Variants in PTPRG observed in about 807,000 individuals in gnomAD.
PTPRG encodes the protein receptor-type tyrosine-protein phosphatase gamma.
A neutral mutation model predicts 165.3 loss-of-function variants in PTPRG; 102 were observed. The observed-to-expected ratio is 0.62, with a 90% CI of 0.53 to 0.73. The LOEUF is 0.73. PTPRG is among the 30% of genes least tolerant of loss of function. The probability of loss-of-function intolerance (pLI) is 0.00; values close to 1 mark genes in which losing one functional copy is unlikely to be tolerated. For missense variants in PTPRG, 1,866 were observed against 1,861.4 expected (o/e 1.00, Z -0.05); for synonymous variants, 675 against 669.5 (o/e 1.01, Z -0.13).
At chr3:62,266,593 A>G (rs1341377308) in intron 17 of PTPRG, among the ~76,000 whole-genome samples, 2 of 152,026 alleles carry the variant, frequency 1.3e-5, no homozygotes, top group African/African-American at 4.8e-5. Context: ...TTCCAAAAAC[A>G]TAGAGGGCTC....
chr3:62,108,779 A>G (rs1419559697), intron 5 of PTPRG, among the ~76,000 whole-genome samples: 2 of 152,068 alleles, frequency 1.3e-5, no homozygotes, highest in Non-Finnish European at 2.9e-5. Flanking sequence ...TTTGATTTGC[A>G]TTTCTCTAAT....
chr3:61,859,978 T>G (rs2037216248), intron 2 of PTPRG, among the ~76,000 whole-genome samples: 1 of 152,234 alleles, frequency 6.6e-6, no homozygotes, highest in African/African-American at 2.4e-5. Context: ...TGTGACATCC[T>G]TTATTGTGAT....
At chr3:62,141,979 C>T (rs1703948941) in intron 6 of PTPRG, among the ~76,000 whole-genome samples, 1 of 151,376 alleles carries the variant, frequency 6.6e-6, no homozygotes, top group East Asian at 1.9e-4. Context: ...GCCTCAGGTG[C>T]CCATCATTAG....
chr3:61,659,648 T>C (rs968903138), intron 1 of PTPRG, among the ~76,000 whole-genome samples: 1 of 152,156 alleles, frequency 6.6e-6, no homozygotes. Flanking sequence ...TTGAGTGTCA[T>C]TGATGATTAA....
At chr3:61,837,892 G>A (rs1370356169) in intron 2 of PTPRG, among the ~76,000 whole-genome samples, 1 of 152,144 alleles carries the variant, frequency 6.6e-6, no homozygotes, top group Non-Finnish European at 1.5e-5. Flanking sequence ...TTTGGAGATG[G>A]CCACCTTCTC....
intron 2 of PTPRG, among the ~76,000 whole-genome samples, chr3:61,888,158 G>T (rs1043672353): frequency 6.6e-6 from 1 of 152,000 alleles, no homozygotes; most frequent in African/African-American, 2.4e-5. Context: ...TACAAAAACC[G>T]TCTGTATACT....
chr3:61,678,604 A>C (rs1575584501), intron 1 of PTPRG, among the ~76,000 whole-genome samples: 1 of 152,242 alleles, frequency 6.6e-6, no homozygotes, highest in East Asian at 1.9e-4. Context: ...CATCCCTGGT[A>C]AAAAGTTCCC....
intron 2 of PTPRG, among the ~76,000 whole-genome samples, chr3:61,854,038 G>A (rs77023161): frequency 0.058 from 8,768 of 152,238 alleles, 281 homozygotes; most frequent in African/African-American, 0.068. Flanking sequence ...CAGAGGAACC[G>A]GTGGCCATTC....
In PTPRG at chr3:61,850,800, A is replaced by C. The variant is rs1370777837; in HGVS notation, c.190+101818A>C. Among the ~76,000 whole-genome samples, 10 of 152,360 alleles carry C rather than the reference A, an allele frequency of 6.6e-5. No homozygotes were observed. In the East Asian group the frequency reaches 1.9e-3, roughly 29 times the overall value. On this transcript the variant is annotated intron_variant, in intron 2 of 29. Coordinates refer to ENST00000474889, the MANE Select transcript of PTPRG (RefSeq NM_002841.4). ...CCATTTAAAATTTTAATAGACATGC[A>C]AAAATGAGAGCACCATCTTAAAGCA... is the stretch of plus-strand genomic sequence containing the variant.
At chr3:62,123,709 CTAAT>C (rs561698717) in intron 5 of PTPRG, among the ~76,000 whole-genome samples, 254 of 152,118 alleles carry the variant, frequency 1.7e-3, no homozygotes, top group Non-Finnish European at 3.2e-3. Flanking sequence ...CAAGAAAACT[CTAAT>C]TAAAGAGTTA....
chr3:62,197,577 C>T (rs1699996843), intron 10 of PTPRG, among the ~76,000 whole-genome samples: 2 of 152,126 alleles, frequency 1.3e-5, no homozygotes, highest in South Asian at 4.1e-4. Context: ...CAGGTCTGTG[C>T]TGGCCTAGGG....
At chr3:61,856,066 GT>G (rs2037098224) in intron 2 of PTPRG, among the ~76,000 whole-genome samples, 1 of 152,082 alleles carries the variant, frequency 6.6e-6, no homozygotes, top group Non-Finnish European at 1.5e-5. Context: ...TGATGGGTGG[GT>G]GCTAGTGACA....
intron 2 of PTPRG, among the ~76,000 whole-genome samples, chr3:61,858,336 T>A (rs375169448): frequency 5.4e-4 from 82 of 152,338 alleles, no homozygotes; most frequent in African/African-American, 1.9e-3. Context: ...CGTTTTTTAT[T>A]AACAGTATTC....
At chr3:62,091,096 A>T (rs1478020590) in intron 5 of PTPRG, among the ~76,000 whole-genome samples, 4 of 152,252 alleles carry the variant, frequency 2.6e-5, no homozygotes, top group African/African-American at 9.6e-5. Flanking sequence ...GACTAGGGTT[A>T]AAAAATGCCA....
chr3:61,779,948 A>T (rs192799993), intron 2 of PTPRG, among the ~76,000 whole-genome samples: 48 of 152,186 alleles, frequency 3.2e-4, no homozygotes, highest in Non-Finnish European at 5.1e-4. Flanking sequence ...ACCTTCCCTT[A>T]TCTTGTTCCC....
At chr3:62,012,729 C>G (rs1430823883) in intron 4 of PTPRG, among the ~76,000 whole-genome samples, 4 of 152,080 alleles carry the variant, frequency 2.6e-5, no homozygotes, top group Admixed American at 2.6e-4. Context: ...GTCAGATTTT[C>G]AAGCATTGAA....
chr3:61,626,224 T>A (rs1010717247), intron 1 of PTPRG, among the ~76,000 whole-genome samples: 1 of 152,170 alleles, frequency 6.6e-6, no homozygotes, highest in African/African-American at 2.4e-5. Flanking sequence ...TTTTAAAAAC[T>A]AAAAATGCAT....
At chr3:61,632,973 C>T (rs1485701868) in intron 1 of PTPRG, among the ~76,000 whole-genome samples, 1 of 152,136 alleles carries the variant, frequency 6.6e-6, no homozygotes, top group Non-Finnish European at 1.5e-5. Flanking sequence ...AACTTTTTTC[C>T]ACCCCAGGGT....
rs186612940 is a variant in PTPRG, at chr3:62,155,150, A to T, written c.683-1917A>T. ...AGAAATTGTTTTTGTAATTTTGATT[A>T]TAGAACCCTATGATTTGAAGACTTT... On this transcript the variant is annotated intron_variant, in intron 6 of 29. Coordinates refer to ENST00000474889, the MANE Select transcript of PTPRG (RefSeq NM_002841.4). Among the ~76,000 whole-genome samples the T allele has an allele frequency of 1.2e-4, 19 of 152,344 alleles. No homozygotes were observed. In the East Asian group the frequency reaches 3.5e-3, roughly 28 times the overall value.
Sources: allele counts gnomAD v4.1 joint callset (sites outside exome capture counted in the v4.1 genomes callset), GRCh38; gene constraint gnomAD v4.1.1; transcripts MANE v1.5; gene names NCBI Gene and HGNC (gene_info 2026-07-23, HGNC 2026-07-21).